The following PHKA2 variants were observed in gnomAD, a reference collection of about 807,000 sequenced individuals.
PHKA2 encodes the protein phosphorylase kinase regulatory subunit alpha 2.
In PHKA2, 31 loss-of-function variants were observed where a neutral mutation model predicts 102.0. The observed-to-expected ratio is 0.30, with a 90% CI of 0.23 to 0.41. The LOEUF (loss-of-function observed/expected upper bound fraction) is 0.41, where lower values mean the gene tolerates loss of function less well. PHKA2 is among the 10% of genes least tolerant of loss of function. The pLI, the probability that PHKA2 is intolerant of heterozygous loss-of-function variation, is 1.00. For missense variants in PHKA2, 858 were observed against 1,023.1 expected (o/e 0.84, Z 2.20); for synonymous variants, 455 against 416.2 (o/e 1.09, Z -1.13).
intron 1 of PHKA2, among the ~76,000 whole-genome samples, chrX:18,963,379 G>A (rs909028040): frequency 7.1e-5 from 8 of 112,114 alleles, no homozygotes; most frequent in Admixed American, 5.7e-4. Context: ...CACTCTAGAA[G>A]ACTATCACCT....
chrX:18,979,567 A>G (rs1176916502), intron 1 of PHKA2, among the ~76,000 whole-genome samples: 1 of 111,935 alleles, frequency 8.9e-6, no homozygotes, highest in Non-Finnish European at 1.9e-5. Flanking sequence ...AATTTCTTTT[A>G]AAGGCAACAA....
At chrX:18,909,065 G>T in intron 20 of PHKA2, 131 bp from the exon 21 acceptor site, 1 of 820,972 alleles carries the variant, frequency 1.2e-6, no homozygotes, top group Non-Finnish European at 1.8e-6. Flanking sequence ...ATGACTTTTT[G>T]TACCTCTTTA....
At chrX:18,966,948 A>T (rs927256429) in intron 1 of PHKA2, among the ~76,000 whole-genome samples, 2 of 111,580 alleles carry the variant, frequency 1.8e-5, no homozygotes, top group Non-Finnish European at 3.8e-5. Flanking sequence ...TGGCTCAGAC[A>T]AGAATGGTGG....
intron 17 of PHKA2, among the ~76,000 whole-genome samples, chrX:18,922,679 G>A (rs1195596376): frequency 9.0e-6 from 1 of 111,226 alleles, no homozygotes; most frequent in Non-Finnish European, 1.9e-5. Flanking sequence ...GAGGCAGAAA[G>A]GCTGGTGGTT....
intron 22 of PHKA2, 136 bp from the exon 23 acceptor site, chrX:18,907,233 C>A: frequency 1.8e-6 from 1 of 548,793 alleles, no homozygotes; most frequent in South Asian, 2.5e-5. Context: ...CCATGTTGCC[C>A]TTGATCTGAA....
At chrX:18,896,186 T>A (rs1261089307) in intron 30 of PHKA2, 1 of 111,408 alleles carries the variant, frequency 9.0e-6, no homozygotes, top group African/African-American at 3.3e-5. Context: ...GGGAAAAAAA[T>A]GTCTTGGTTT....
intron 11 of PHKA2, 57 bp downstream of exon 11, chrX:18,935,998 C>A: frequency 2.6e-6 from 2 of 766,827 alleles, no homozygotes. Context: ...ACAGGCCAAG[C>A]AATGAGTCAC....
At chrX:18,979,785 T>A (rs1450268283) in intron 1 of PHKA2, among the ~76,000 whole-genome samples, 2 of 110,800 alleles carry the variant, frequency 1.8e-5, no homozygotes, top group Non-Finnish European at 3.8e-5. Flanking sequence ...ACTAATAATT[T>A]AATTTAATAA....
chrX:18,916,876 AT>A (rs202152356), intron 19 of PHKA2, among the ~76,000 whole-genome samples: 1,428 of 100,224 alleles, frequency 0.014, 2 homozygotes, highest in Middle Eastern at 0.021. Flanking sequence ...GGGCTAATAC[AT>A]TTTTTTTTTT....
chrX:18,928,457 T>C (rs1478961426), intron 13 of PHKA2, among the ~76,000 whole-genome samples: 1 of 112,252 alleles, frequency 8.9e-6, no homozygotes, highest in Non-Finnish European at 1.9e-5. Context: ...ACTGCAAGAA[T>C]GATATAGGCC....
chrX:18,899,599 A>G (rs181400333), intron 28 of PHKA2, among the ~76,000 whole-genome samples: 218 of 112,362 alleles, frequency 1.9e-3, no homozygotes, highest in African/African-American at 6.9e-3. Flanking sequence ...GTGAAAATCT[A>G]CAGATGAACC....
chrX:18,906,911 T>C, intron 23 of PHKA2, 97 bp from the exon 24 acceptor site: 2 of 1,006,627 alleles, frequency 2.0e-6, no homozygotes, highest in Non-Finnish European at 1.4e-6. Flanking sequence ...GCTAGACGCA[T>C]CCATGTGACA....
intron 1 of PHKA2, among the ~76,000 whole-genome samples, chrX:18,979,799 ATAAT>A (rs976021300): frequency 9.0e-6 from 1 of 110,665 alleles, no homozygotes; most frequent in Non-Finnish European, 1.9e-5. Flanking sequence ...TTAATAATTA[ATAAT>A]TAATATTAAA....
chrX:18,954,519 G>A (rs2048746673), intron 1 of PHKA2, 107 bp from the exon 2 acceptor site: 7 of 774,195 alleles, frequency 9.0e-6, no homozygotes, highest in East Asian at 6.6e-5. Context: ...CTGGAGCAGG[G>A]AGACCAAAGT....
rs1207663877 is a variant in PHKA2 at position 18,908,826 on chromosome X, T to C, written c.2335A>G (p.Ile779Val). The C allele has an allele frequency of 4.1e-6, 5 of 1,209,571 alleles. No homozygotes were observed. Among genetic ancestry groups the C allele is most frequent in the Admixed American group, 4.3e-5 (2 of 46,026 alleles). Residue 779 changes from isoleucine (I) to valine (V), a missense_variant, in exon 21 of 33, where the codon ATT becomes GTT. Physicochemically the swap from Ile to Val is conservative, Grantham distance 29. Coordinates refer to ENST00000379942, the MANE Select transcript of PHKA2 (RefSeq NM_000292.3). ...DCSNLQDQAD[I>V]LYILYVIKGP... ...TTTATGACATAAAGAATGTACAGAA[T>C]GTCTGCTTGGTCCTGTAGGTTCGAA...
intron 1 of PHKA2, among the ~76,000 whole-genome samples, chrX:18,959,422 A>G (rs2048834118): frequency 8.9e-6 from 1 of 111,813 alleles, no homozygotes; most frequent in Non-Finnish European, 1.9e-5. Flanking sequence ...TGTAACCATC[A>G]TTTTTACTAG....
Position 18,943,414 on chromosome X carries a change from A to ACC in PHKA2, c.717+295_717+296insGG, listed in dbSNP as rs2048525937. Among the ~76,000 whole-genome samples the ACC allele has an allele frequency of 6.2e-5, 7 of 112,478 alleles. No individual in the cohort carries two copies. In the East Asian group the frequency reaches 2.0e-3, roughly 31 times the overall value. On this transcript the variant is annotated intron_variant, in intron 7 of 32. Transcript: ENST00000379942. ...CATCTATGTGCTCAAAAGACATAAA[A>ACC]CAGACTTTGCCTCTTGCAAAACAAG...
rs752000445 is a variant in PHKA2, at chrX:18,929,995, G to C, written c.1246-689C>G. 3.6e-5 allele frequency among the ~76,000 whole-genome samples: 4 copies of C among 112,420 alleles called. No homozygotes were observed. The South Asian group carries it at 1.5e-3, about 42-fold the overall frequency. On this transcript the variant is annotated intron_variant, in intron 12 of 32. Coordinates refer to ENST00000379942, the MANE Select transcript of PHKA2 (RefSeq NM_000292.3). ...AAAGAGCGCTGCACAGAAAGGCCTC[G>C]CTGGGTTTCCCCACTTGGTCCATTA...
chrX:18,944,888 A>T (rs1322852652), intron 6 of PHKA2, among the ~76,000 whole-genome samples, 190 bp downstream of exon 6: 1 of 112,484 alleles, frequency 8.9e-6, no homozygotes, highest in Non-Finnish European at 1.9e-5. Flanking sequence ...GGCAGATTTC[A>T]GCATTGGAAA....
Sources: allele counts gnomAD v4.1 joint callset (sites outside exome capture counted in the v4.1 genomes callset), GRCh38; gene constraint gnomAD v4.1.1; transcripts MANE v1.5; gene names NCBI Gene and HGNC (gene_info 2026-07-23, HGNC 2026-07-21).